Variants in SUCLG2 observed in about 807,000 individuals in gnomAD.
SUCLG2 encodes the protein succinate--CoA ligase [GDP-forming] subunit beta, mitochondrial.
A neutral mutation model predicts 47.9 loss-of-function variants in SUCLG2; 42 were observed. The observed-to-expected ratio is 0.88, with a 90% CI of 0.69 to 1.14. SUCLG2 has a LOEUF of 1.14. Among genes scored for constraint, SUCLG2 ranks in the 50% most tolerant of loss-of-function variants. The pLI is 0.00. For synonymous variants in SUCLG2, 195 were observed against 197.3 expected, an observed-to-expected ratio of 0.99 and a Z score of 0.10; for missense variants, 571 against 525.9, an observed-to-expected ratio of 1.09 and a Z score of -0.84.
At chr3:67,639,385 T>C (rs555444743) in intron 1 of SUCLG2, among the ~76,000 whole-genome samples, 4 of 152,172 alleles carry the variant, frequency 2.6e-5, no homozygotes, top group African/African-American at 9.7e-5. Context: ...TTAAACCAGT[T>C]GTCCGAGGCA....
intron 2 of SUCLG2, among the ~76,000 whole-genome samples, chr3:67,577,672 G>T (rs1216747326): frequency 6.6e-6 from 1 of 152,176 alleles, no homozygotes; most frequent in African/African-American, 2.4e-5. Context: ...CAGAGCCTCT[G>T]TCTTCCCTGG....
In SUCLG2 at chr3:67,506,299, T is replaced by C. The variant is rs140200270; in HGVS notation, c.757+2508A>G. ...TCACCATTTCCTAATTGGGTTTAAT[T>C]TGACTACTGCTCATTAGAGTTATAA... On this transcript the variant is annotated intron_variant, in intron 7 of 10. Transcript: ENST00000307227. Among the ~76,000 whole-genome samples the C allele has an allele frequency of 2.0e-4, 31 of 152,352 alleles. No homozygotes were observed. The East Asian group carries it at 5.6e-3, about 27-fold the overall frequency.
intron 9 of SUCLG2, among the ~76,000 whole-genome samples, chr3:67,417,574 G>A (rs13319623): frequency 0.014 from 2,057 of 152,254 alleles, 48 homozygotes; most frequent in African/African-American, 0.047. Flanking sequence ...ACTAAAAATC[G>A]GAGTGGAAAT....
chr3:67,520,322 C>G (rs1352524899), intron 5 of SUCLG2, among the ~76,000 whole-genome samples, 160 bp downstream of exon 5: 1 of 152,186 alleles, frequency 6.6e-6, no homozygotes, highest in Non-Finnish European at 1.5e-5. Flanking sequence ...TTCCACCCAA[C>G]TTTCAACTGG....
intron 9 of SUCLG2, among the ~76,000 whole-genome samples, chr3:67,423,007 A>G (rs1387894509): frequency 1.3e-5 from 2 of 152,148 alleles, no homozygotes; most frequent in African/African-American, 4.8e-5. Context: ...TTTTTGGACC[A>G]GGCTGCCAGG....
intron 2 of SUCLG2, among the ~76,000 whole-genome samples, chr3:67,551,983 C>T (rs1707026364): frequency 6.6e-6 from 1 of 152,132 alleles, no homozygotes; most frequent in Admixed American, 6.5e-5. Context: ...ACAACTCTCA[C>T]CTATTCAAGC....
At chr3:67,395,271 G>C (rs902303253) in intron 10 of SUCLG2, among the ~76,000 whole-genome samples, 1 of 152,040 alleles carries the variant, frequency 6.6e-6, no homozygotes, top group Non-Finnish European at 1.5e-5. Flanking sequence ...CTGTATTCAG[G>C]AAACCCATCT....
downstream of SUCLG2, among the ~76,000 whole-genome samples, chr3:67,371,195 A>T (rs541085305): frequency 6.6e-6 from 1 of 152,112 alleles, no homozygotes; most frequent in Non-Finnish European, 1.5e-5. Context: ...CTGCCTCTAC[A>T]AACACAAGGG....
At chr3:67,381,113 G>A (rs1702148744) in intron 10 of SUCLG2, among the ~76,000 whole-genome samples, 1 of 152,050 alleles carries the variant, frequency 6.6e-6, no homozygotes, top group Non-Finnish European at 1.5e-5. Context: ...GAAGGTCAAG[G>A]CTGCAGTGAG....
chr3:67,437,243 G>T (rs1466213106), intron 9 of SUCLG2, among the ~76,000 whole-genome samples: 1 of 152,066 alleles, frequency 6.6e-6, no homozygotes, highest in African/African-American at 2.4e-5. Flanking sequence ...TGAGTCAGCA[G>T]GTAAAGCCCA....
intron 1 of SUCLG2, 52 bp downstream of exon 1, chr3:67,654,451 C>CG (rs1347218372): frequency 8.2e-7 from 1 of 1,214,158 alleles, no homozygotes; most frequent in Non-Finnish European, 1.0e-6. Flanking sequence ...GAGGGAAGCC[C>CG]GGGCAGGCCG....
intron 1 of SUCLG2, among the ~76,000 whole-genome samples, chr3:67,638,336 A>G (rs893135642): frequency 6.6e-6 from 1 of 152,216 alleles, no homozygotes; most frequent in African/African-American, 2.4e-5. Flanking sequence ...TCTCCACTGC[A>G]AAGGCCCAAA....
At chr3:67,629,783 A>G (rs1046976203) in intron 1 of SUCLG2, among the ~76,000 whole-genome samples, 3 of 152,196 alleles carry the variant, frequency 2.0e-5, no homozygotes, top group Non-Finnish European at 4.4e-5. Context: ...TATGGCTGAA[A>G]GGAGCTTAAA....
intron 9 of SUCLG2, among the ~76,000 whole-genome samples, chr3:67,451,477 A>T (rs1250051408): frequency 2.6e-5 from 4 of 152,218 alleles, no homozygotes; most frequent in African/African-American, 9.6e-5. Flanking sequence ...CCAGATGTTA[A>T]ATAATCCTCA....
chr3:67,367,191 T>G (rs1405192505), intron 10 of SUCLG2, among the ~76,000 whole-genome samples: 1 of 152,198 alleles, frequency 6.6e-6, no homozygotes, highest in Non-Finnish European at 1.5e-5. Context: ...GACACTAAAA[T>G]GTAAACTGAG....
At chr3:67,468,236 C>T (rs1268997065) in intron 9 of SUCLG2, among the ~76,000 whole-genome samples, 1 of 152,126 alleles carries the variant, frequency 6.6e-6, no homozygotes, top group Admixed American at 6.5e-5. Flanking sequence ...CTATTAGGTG[C>T]CAATATAGTA....
chr3:67,515,935 CCT>C (rs1247655131), intron 6 of SUCLG2, among the ~76,000 whole-genome samples: 1 of 152,128 alleles, frequency 6.6e-6, no homozygotes, highest in Non-Finnish European at 1.5e-5. Context: ...CTGAGATCAA[CCT>C]CTCTCTCCCT....
chr3:67,586,205 A>C (rs1168589989), intron 2 of SUCLG2, among the ~76,000 whole-genome samples: 1 of 152,154 alleles, frequency 6.6e-6, no homozygotes, highest in East Asian at 1.9e-4. Context: ...TGTAATTCTC[A>C]ATGATTTCCG....
intron 1 of SUCLG2, among the ~76,000 whole-genome samples, chr3:67,614,739 A>T (rs1457556821): frequency 6.6e-6 from 1 of 152,012 alleles, no homozygotes; most frequent in Non-Finnish European, 1.5e-5. Context: ...GGGTTTCAAG[A>T]TATAAAGGGA....
Sources: allele counts gnomAD v4.1 joint callset (sites outside exome capture counted in the v4.1 genomes callset), GRCh38; gene constraint gnomAD v4.1.1; transcripts MANE v1.5; gene names NCBI Gene and HGNC (gene_info 2026-07-23, HGNC 2026-07-21).